The following C1QTNF3 variants were observed in gnomAD, a reference collection of about 807,000 sequenced individuals.
C1QTNF3 encodes complement C1q tumor necrosis factor-related protein 3.
C1QTNF3 carries 26 observed loss-of-function variants against 32.6 expected under a neutral mutation model. The ratio of observed to expected loss-of-function variants is 0.80; its 90% CI spans 0.58 to 1.11. The LOEUF (loss-of-function observed/expected upper bound fraction) is 1.11, where lower values mean the gene tolerates loss of function less well. Among genes scored for constraint, C1QTNF3 ranks in the 50% least tolerant of loss-of-function variants. C1QTNF3 has a pLI of 0.00. For missense variants in C1QTNF3, 362 were observed against 398.2 expected, an observed-to-expected ratio of 0.91 and a Z score of 0.77; for synonymous variants, 155 against 146.0, an observed-to-expected ratio of 1.06 and a Z score of -0.44.
chr5:34,200,370 G>A, the C1QTNF3 span: 2 of 151,480 alleles, frequency 1.3e-5, no homozygotes, highest in African/African-American at 4.9e-5. Flanking sequence ...CCTACTTTCT[G>A]TCACTACCCA....
At chr5:34,023,355 C>T (rs1754388494) in intron 5 of C1QTNF3, among the ~76,000 whole-genome samples, 1 of 152,234 alleles carries the variant, frequency 6.6e-6, no homozygotes, top group Non-Finnish European at 1.5e-5. Flanking sequence ...GCAACAATTT[C>T]ACCTACCCTA....
At chr5:34,075,135 T>C in the C1QTNF3 span, among the ~76,000 whole-genome samples, 1 of 151,794 alleles carries the variant, frequency 6.6e-6, no homozygotes, top group Admixed American at 6.6e-5. Flanking sequence ...CATAACTGTG[T>C]CATTATATCA....
chr5:34,201,925 C>T, the C1QTNF3 span, among the ~76,000 whole-genome samples: 2 of 152,088 alleles, frequency 1.3e-5, no homozygotes, highest in Non-Finnish European at 2.9e-5. Flanking sequence ...AAAGATGCTC[C>T]TACTATTAAA....
At chr5:34,115,657 G>C in the C1QTNF3 span, among the ~76,000 whole-genome samples, 6 of 151,870 alleles carry the variant, frequency 4.0e-5, no homozygotes, top group African/African-American at 1.5e-4. Context: ...CGTGAACCCG[G>C]GAGGCGAAGC....
the C1QTNF3 span, among the ~76,000 whole-genome samples, chr5:34,073,921 G>C: frequency 1.3e-5 from 2 of 152,196 alleles, no homozygotes; most frequent in East Asian, 3.9e-4. Flanking sequence ...CAGATCATCA[G>C]TTGATTCCTA....
At chr5:34,142,544 A>T in the C1QTNF3 span, among the ~76,000 whole-genome samples, 1 of 152,158 alleles carries the variant, frequency 6.6e-6, no homozygotes, top group Admixed American at 6.5e-5. Flanking sequence ...TCTCCCTCTC[A>T]CACTGCAGAG....
the C1QTNF3 span, among the ~76,000 whole-genome samples, chr5:34,054,775 CTG>C: frequency 6.6e-6 from 1 of 152,210 alleles, no homozygotes; most frequent in Non-Finnish European, 1.5e-5. Flanking sequence ...ACCTTCCTGT[CTG>C]TCTCCTTTTT....
At chr5:34,231,217 T>G in the C1QTNF3 span, among the ~76,000 whole-genome samples, 36 of 152,362 alleles carry the variant, frequency 2.4e-4, 1 homozygote, top group African/African-American at 8.2e-4. Flanking sequence ...GGTAAAAGCA[T>G]AAAATCATGT....
chr5:34,075,390 T>C, the C1QTNF3 span, among the ~76,000 whole-genome samples: 1 of 151,662 alleles, frequency 6.6e-6, no homozygotes, highest in Admixed American at 6.6e-5. Flanking sequence ...TTTCTGGTCA[T>C]TCATGAGCTT....
the C1QTNF3 span, among the ~76,000 whole-genome samples, chr5:34,102,888 G>T: frequency 5.9e-5 from 9 of 152,194 alleles, no homozygotes; most frequent in African/African-American, 2.2e-4. Context: ...TGTAAATGAC[G>T]GGTTAATGGG....
the C1QTNF3 span, among the ~76,000 whole-genome samples, chr5:34,236,877 G>T: frequency 6.6e-6 from 1 of 152,020 alleles, no homozygotes; most frequent in Non-Finnish European, 1.5e-5. Context: ...CACCCAGCCA[G>T]TTAATTTTTC....
intron 1 of C1QTNF3, among the ~76,000 whole-genome samples, chr5:34,040,634 G>A (rs1754846099): frequency 6.6e-6 from 1 of 152,016 alleles, no homozygotes; most frequent in African/African-American, 2.4e-5. Context: ...GTCCTGCTAT[G>A]AACAAACAAA....
chr5:34,201,546 G>T, the C1QTNF3 span, among the ~76,000 whole-genome samples: 4 of 151,976 alleles, frequency 2.6e-5, no homozygotes, highest in African/African-American at 9.7e-5. Flanking sequence ...TGCAACTATA[G>T]TGCTCCTGAA....
At chr5:34,211,034 C>A in the C1QTNF3 span, among the ~76,000 whole-genome samples, 4 of 151,248 alleles carry the variant, frequency 2.6e-5, no homozygotes, top group Non-Finnish European at 5.9e-5. Flanking sequence ...TCTAATGTTA[C>A]CTCCAGGTTT....
chr5:34,140,320 T>TC, the C1QTNF3 span, among the ~76,000 whole-genome samples: 2 of 152,216 alleles, frequency 1.3e-5, no homozygotes, highest in Admixed American at 6.5e-5. Context: ...TCTGGGTTTT[T>TC]CTAAAGAATA....
At chr5:34,105,100 T>C in the C1QTNF3 span, among the ~76,000 whole-genome samples, 1 of 152,238 alleles carries the variant, frequency 6.6e-6, no homozygotes, top group African/African-American at 2.4e-5. Flanking sequence ...TTCTTCCTTA[T>C]AAGTTTTCCT....
the C1QTNF3 span, chr5:34,218,516 TA>T: frequency 3.9e-5 from 6 of 152,302 alleles, no homozygotes; most frequent in East Asian, 9.7e-4. Flanking sequence ...AATCGCAAAA[TA>T]GGTATGAAAT....
At chr5:34,114,814 T>C in the C1QTNF3 span, among the ~76,000 whole-genome samples, 1 of 151,490 alleles carries the variant, frequency 6.6e-6, no homozygotes, top group East Asian at 1.9e-4. Context: ...AACACATCAT[T>C]GTGCCCTGTG....
At chr5:34,137,281 T>G in the C1QTNF3 span, among the ~76,000 whole-genome samples, 1 of 152,174 alleles carries the variant, frequency 6.6e-6, no homozygotes, top group African/African-American at 2.4e-5. Context: ...CTATCAAAAT[T>G]TTCTGGTTTT....
Sources: gnomAD v4.1 joint callset for allele counts (sites outside exome capture counted in the v4.1 genomes callset) on GRCh38, gnomAD v4.1.1 for gene constraint, MANE v1.5 for transcripts, NCBI Gene and HGNC (gene_info 2026-07-23, HGNC 2026-07-21) for gene names.